PAICS: variants seen among roughly 807,000 people sequenced by gnomAD.
PAICS encodes phosphoribosylaminoimidazole carboxylase and phosphoribosylaminoimidazolesuccinocarboxamide synthase.
A neutral mutation model predicts 53.7 loss-of-function variants in PAICS; 33 were observed. That is an observed-to-expected ratio of 0.61 (90% CI 0.47 to 0.82). The LOEUF is 0.82. Ranked by LOEUF, PAICS falls within the 40% of genes least tolerant of loss-of-function variation. PAICS has a pLI of 0.00. For missense variants in PAICS, 394 were observed against 494.1 expected (o/e 0.80, Z 1.92); for synonymous variants, 141 against 167.2 (o/e 0.84, Z 1.21).
intron 8 of PAICS, among the ~76,000 whole-genome samples, chr4:56,456,652 T>C (rs1719220845): frequency 6.6e-6 from 1 of 151,000 alleles, no homozygotes; most frequent in South Asian, 2.1e-4. Context: ...CAAGCAATCT[T>C]CCCACCTCAG....
At chr4:56,457,813 T>A (rs1719302429) in intron 8 of PAICS, among the ~76,000 whole-genome samples, 1 of 152,084 alleles carries the variant, frequency 6.6e-6, no homozygotes, top group Admixed American at 6.6e-5. Flanking sequence ...CCATGCCAGC[T>A]AATTTTGATT....
upstream of PAICS, among the ~76,000 whole-genome samples, chr4:56,433,744 G>C (rs551727172): frequency 3.3e-5 from 5 of 151,916 alleles, no homozygotes; most frequent in South Asian, 8.3e-4. Flanking sequence ...GCCCAGGCTG[G>C]AGTGCAGTGG....
At chr4:56,435,768 C>G, upstream of PAICS, 14 of 1,500,058 alleles carry the variant, frequency 9.3e-6, no homozygotes, top group Non-Finnish European at 1.2e-5. Context: ...CCCCTAAGAG[C>G]TGCCTGGAAA....
the PAICS span, among the ~76,000 whole-genome samples, chr4:56,425,723 G>C: frequency 1.3e-5 from 2 of 152,268 alleles, no homozygotes; most frequent in African/African-American, 2.4e-5. Flanking sequence ...GAAAAAGACC[G>C]ACCATGTGAT....
intron 2 of PAICS, 177 bp downstream of exon 2, chr4:56,442,037 T>G (rs1009514934): frequency 1.9e-6 from 1 of 514,884 alleles, no homozygotes; most frequent in African/African-American, 1.9e-5. Context: ...TGGTTTGGGA[T>G]TATTAGTATC....
the PAICS span, among the ~76,000 whole-genome samples, chr4:56,416,018 C>T: frequency 5.6e-4 from 84 of 150,858 alleles, no homozygotes; most frequent in Non-Finnish European, 8.4e-4. Context: ...TGCAGTGAGC[C>T]GAGATCACAC....
At chr4:56,419,206 T>G in the PAICS span, among the ~76,000 whole-genome samples, 1 of 152,230 alleles carries the variant, frequency 6.6e-6, no homozygotes, top group Non-Finnish European at 1.5e-5. Flanking sequence ...TTAAATTGTT[T>G]GTACCTATCC....
In PAICS at chr4:56,462,813, C is replaced by G. The variant is rs530013779; in HGVS notation, c.*3275C>G. On this transcript the variant is annotated 3_prime_UTR_variant, in exon 9 of 9. Coordinates refer to ENST00000512576, the MANE Select transcript of PAICS (RefSeq NM_001079524.2). ...ATCAGGAGTTCGAGACCAGCCTGAC[C>G]AACATGGAGAAACCCAGTCTCTAAT... 1 of 152,016 alleles carries G rather than the reference C, an allele frequency of 6.6e-6. No individual in the cohort carries two copies. The highest frequency in any genetic ancestry group is 2.4e-5 in the African/African-American group (1 of 41,456). 9.4% of individuals were successfully genotyped at this position (152,016 alleles called of 1,614,324 possible). A position where few individuals can be genotyped will look rare whatever the true frequency, so the allele number is the denominator to read the frequency against.
upstream of PAICS, chr4:56,436,005 G>C (rs2110075783): frequency 3.3e-6 from 5 of 1,523,424 alleles, 1 homozygote; most frequent in South Asian, 4.5e-5. Context: ...GTGGGGAGGG[G>C]CCGCCAGTGC....
At chr4:56,411,833 A>G in the PAICS span, among the ~76,000 whole-genome samples, 1 of 152,216 alleles carries the variant, frequency 6.6e-6, no homozygotes, top group East Asian at 1.9e-4. Context: ...GGTTAAGAGG[A>G]CAAAGATTAC....
intron 7 of PAICS, among the ~76,000 whole-genome samples, chr4:56,452,284 T>C (rs1718961175): frequency 6.6e-6 from 1 of 152,118 alleles, no homozygotes. Flanking sequence ...GTTCACACCA[T>C]TCTCCTGCCT....
chr4:56,427,557 A>T, the PAICS span, among the ~76,000 whole-genome samples: 1 of 151,988 alleles, frequency 6.6e-6, no homozygotes, highest in Non-Finnish European at 1.5e-5. Flanking sequence ...CTGTAGTGCC[A>T]GCTACTTGGG....
the PAICS span, among the ~76,000 whole-genome samples, chr4:56,430,327 T>C: frequency 1.3e-5 from 2 of 152,072 alleles, no homozygotes; most frequent in Non-Finnish European, 2.9e-5. Flanking sequence ...ACATATTTAG[T>C]CCCAATCACA....
intron 5 of PAICS, 146 bp from the exon 6 acceptor site, chr4:56,450,473 G>C (rs1228374274): frequency 1.9e-5 from 11 of 584,984 alleles, no homozygotes; most frequent in Non-Finnish European, 3.4e-5. Flanking sequence ...AACTTTGTTA[G>C]TTTAATTCAG....
Position 56,437,819 on chromosome 4 carries a change from C to CAA in PAICS, c.16+1516_16+1517dup, listed in dbSNP as rs869109998. 7.1e-3 allele frequency among the ~76,000 whole-genome samples: 154 copies of CAA among 21,576 alleles called. 19 individuals carry two copies. The highest frequency in any genetic ancestry group is 0.01 in the South Asian group (5 of 498). The allele number at this position is 21,576 out of a possible 152,430, so 14.2% of individuals were successfully genotyped here. A position where few individuals can be genotyped will look rare whatever the true frequency, so the allele number is the denominator to read the frequency against. On this transcript the variant is annotated intron_variant, in intron 1 of 8. Coordinates refer to ENST00000512576, the MANE Select transcript of PAICS (RefSeq NM_001079524.2). ...CTGGCGACAGAGAGAGACTCTGTCTCAAAAAAAAAAAAAAAAAAAAAAAAA... is the reference window on the plus strand; with the variant it reads ...CTGGCGACAGAGAGAGACTCTGTCTCAAAAAAAAAAAAAAAAAAAAAAAAAAA...
chr4:56,419,454 C>A, the PAICS span, among the ~76,000 whole-genome samples: 1 of 152,160 alleles, frequency 6.6e-6, no homozygotes, highest in African/African-American at 2.4e-5. Flanking sequence ...GATTTAGGTT[C>A]TGTATTTTGT....
In PAICS at chr4:56,459,514, G is replaced by C; in HGVS notation, c.1254G>C (p.Lys418Asn). 6.4e-7 allele frequency: 1 copy of C among 1,563,716 alleles called. No individual in the cohort carries two copies. Among genetic ancestry groups the C allele is most frequent in the Admixed American group, 1.8e-5 (1 of 56,284 alleles). Residue 418 changes from lysine (K) to asparagine (N), a missense_variant, in exon 9 of 9, where the codon AAG becomes AAC. This residue lies in a region of PAICS where 95 missense variants were observed against 89.3 expected (regional missense o/e 1.06). Coordinates refer to ENST00000512576, the MANE Select transcript of PAICS (RefSeq NM_001079524.2). The stretch of plus-strand genomic sequence containing the variant: ...GGATTTCCTTGAAGCAGGCTGACAA[G>C]AAAATCAGAGAATGTAATTTATAAG... ...NTWISLKQAD[K>N]KIRECNL
chr4:56,435,335 C>CACCCTGTT, upstream of PAICS: 1 of 1,613,564 alleles, frequency 6.2e-7, no homozygotes, highest in Non-Finnish European at 8.5e-7. Context: ...CCGCCACCCC[C>CACCCTGTT]ACCCTGTTGC....
At chr4:56,436,192 T>A, upstream of PAICS, 2 of 1,513,954 alleles carry the variant, frequency 1.3e-6, no homozygotes, top group South Asian at 1.2e-5. Flanking sequence ...TCGAAAAGAG[T>A]GGCGCAGGGT....
Sources: allele counts gnomAD v4.1 joint callset (sites outside exome capture counted in the v4.1 genomes callset), GRCh38; gene constraint gnomAD v4.1.1; regional missense constraint gnomAD v4.1.1; transcripts MANE v1.5; gene names NCBI Gene and HGNC (gene_info 2026-07-23, HGNC 2026-07-21).